Variants in UGT1A9 observed in about 807,000 individuals in gnomAD.
UGT1A9 encodes the protein UDP-glucuronosyltransferase 1A9.
Under a neutral mutation model 45.0 loss-of-function variants are expected in UGT1A9, and 35 were observed. The ratio of observed to expected loss-of-function variants is 0.78; its 90% CI spans 0.59 to 1.03. UGT1A9 has a LOEUF of 1.03. UGT1A9 is among the 50% of genes least tolerant of loss of function. UGT1A9 has a pLI of 0.00. For synonymous variants in UGT1A9, 278 were observed against 250.6 expected (o/e 1.11, Z -1.03); for missense variants, 687 against 666.6 (o/e 1.03, Z -0.34).
chr2:233,701,289 C>T (rs185939112), intron 1 of UGT1A9, among the ~76,000 whole-genome samples: 36 of 152,168 alleles, frequency 2.4e-4, no homozygotes, highest in East Asian at 7.7e-4. Context: ...CTTGAGGAAT[C>T]GCCACACTGT....
chr2:233,758,620 A>G (rs2125966627), intron 1 of UGT1A9, among the ~76,000 whole-genome samples: 1 of 152,334 alleles, frequency 6.6e-6, no homozygotes, highest in South Asian at 2.1e-4. Context: ...ATGTGCATGC[A>G]AAGTACCTAC....
chr2:233,672,786 T>C lies in UGT1A9; in HGVS notation c.852T>C (p.Pro284=). The part of the protein sequence containing the change: ...GINCHQGKPL[P]MEFEAYINAS... ...ACTGCCATCAGGGAAAGCCGTTGCC[T>C]ATGGTAAGTTATCTCTCCTTTAGCA... is the stretch of plus-strand genomic sequence containing the variant. The change falls in exon 1 of 5, where the codon CCT becomes CCC. Residue 284 remains proline (P), a synonymous_variant. Coordinates refer to ENST00000354728, the MANE Select transcript of UGT1A9 (RefSeq NM_021027.3). 6.2e-7 allele frequency: 1 copy of C among 1,613,098 alleles called. No homozygotes were observed. Among genetic ancestry groups the C allele is most frequent in the Non-Finnish European group, 8.5e-7 (1 of 1,179,260 alleles).
chr2:233,704,379 G>A (rs1421348597), intron 1 of UGT1A9, among the ~76,000 whole-genome samples: 2 of 150,778 alleles, frequency 1.3e-5, no homozygotes, highest in South Asian at 2.1e-4. Context: ...TTAGCACATC[G>A]ATTTTAACTT....
intron 1 of UGT1A9, chr2:233,693,223 C>A: frequency 6.2e-7 from 1 of 1,614,176 alleles, no homozygotes; most frequent in South Asian, 1.1e-5. Context: ...CCAAATACTA[C>A]ACAAGAAAAA....
intron 1 of UGT1A9, among the ~76,000 whole-genome samples, chr2:233,696,236 A>T (rs1175700608): frequency 6.6e-6 from 1 of 152,236 alleles, no homozygotes; most frequent in Non-Finnish European, 1.5e-5. Context: ...CAAAATATGG[A>T]ATCAACCTAA....
At position 233,709,733 on chromosome 2, in the gene UGT1A9, T is replaced by C. The variant is rs190992275; in HGVS notation, c.855+36944T>C. Reference sequence around the variant, plus strand: ...AATTGAATGATATGTTTTCAATTGATACTACTAAAATAAACATTATTGGAG... The same window carrying C: ...AATTGAATGATATGTTTTCAATTGACACTACTAAAATAAACATTATTGGAG... On this transcript the variant is annotated intron_variant, in intron 1 of 4. Coordinates refer to ENST00000354728, the MANE Select transcript of UGT1A9 (RefSeq NM_021027.3). Among the ~76,000 whole-genome samples the C allele has an allele frequency of 3.6e-3, 552 of 152,338 alleles. 2 individuals are homozygous for C. Among genetic ancestry groups the C allele is most frequent in the Admixed American group, 8.6e-3 (131 of 15,306 alleles).
chr2:233,681,262 A>C (rs192058312), intron 1 of UGT1A9, among the ~76,000 whole-genome samples: 1 of 152,156 alleles, frequency 6.6e-6, no homozygotes, highest in African/African-American at 2.4e-5. Flanking sequence ...GGCCAGGTGT[A>C]GTGGCTCACG....
At chr2:233,700,614 G>T (rs554562712) in intron 1 of UGT1A9, among the ~76,000 whole-genome samples, 2 of 151,722 alleles carry the variant, frequency 1.3e-5, no homozygotes, top group Admixed American at 6.6e-5. Flanking sequence ...TTTTTTGGGG[G>T]GGTTCCAGTA....
At position 233,746,588 on chromosome 2, in the gene UGT1A9, TGA is replaced by T. The variant is rs1470732385; in HGVS notation, c.856-20444_856-20443del. Among the ~76,000 whole-genome samples the T allele has an allele frequency of 2.0e-5, 3 of 151,754 alleles. 1 individual carries two copies. The highest frequency in any genetic ancestry group is 7.3e-5 in the African/African-American group (3 of 41,048). On this transcript the variant is annotated intron_variant, in intron 1 of 4. Coordinates refer to ENST00000354728, the MANE Select transcript of UGT1A9 (RefSeq NM_021027.3). ...ACCACACCCTGTAATTGCCTAGTTG[TGA>T]GTTTGTCTCTGTTCACCTGACCCCT...
At chr2:233,685,023 A>G (rs937971541) in intron 1 of UGT1A9, among the ~76,000 whole-genome samples, 2 of 152,104 alleles carry the variant, frequency 1.3e-5, no homozygotes, top group Non-Finnish European at 2.9e-5. Flanking sequence ...ATGTGTCTGT[A>G]TGTGCAGGTG....
chr2:233,708,242 T>G (rs2076009398), intron 1 of UGT1A9, among the ~76,000 whole-genome samples: 1 of 152,244 alleles, frequency 6.6e-6, no homozygotes, highest in Admixed American at 6.5e-5. Flanking sequence ...AATGTATAAG[T>G]GTACACTTTC....
chr2:233,760,333 C>T (rs1559406714), intron 1 of UGT1A9: 2 of 1,614,052 alleles, frequency 1.2e-6, no homozygotes, highest in East Asian at 4.5e-5. Flanking sequence ...CCTGGGCCTG[C>T]TGCTGTGTGT....
At chr2:233,745,112 G>C (rs1457181143) in intron 1 of UGT1A9, among the ~76,000 whole-genome samples, 1 of 151,730 alleles carries the variant, frequency 6.6e-6, no homozygotes, top group Non-Finnish European at 1.5e-5. Flanking sequence ...TTAATCTGCT[G>C]TTGGCTGAAT....
rs11568317 is a variant in UGT1A9 at position 233,757,117 on chromosome 2, A to G, written c.856-9917A>G. ...GAGGGAGGGGGCAAGCAGAAGGGCT[A>G]GAGAGGAGGAATGAGCTTGGACAGG... On this transcript the variant is annotated intron_variant, in intron 1 of 4. Transcript: ENST00000354728. Among the ~76,000 whole-genome samples, 108 of 151,324 alleles carry G rather than the reference A, an allele frequency of 7.1e-4. 1 individual carries two copies. In the East Asian group the frequency reaches 0.02, roughly 28 times the overall value.
chr2:233,741,547 T>G (rs4663963), intron 1 of UGT1A9: 82,548 of 151,614 alleles, frequency 0.54, 24,567 homozygotes, highest in African/African-American at 0.79. Flanking sequence ...GATACTTCTT[T>G]TATGGTTATT....
rs142919887 is a variant in UGT1A9, at chr2:233,693,235, C to A, written c.855+20446C>A. The A allele has an allele frequency of 1.4e-4, 230 of 1,614,162 alleles. 1 individual carries two copies. The African/African-American group carries it at 2.3e-3, about 16-fold the overall frequency. ...AATCCAAATACTACACAAGAAAAAT[C>A]TATCCAGTGCCGTATGACCAAGAAG... On this transcript the variant is annotated intron_variant, in intron 1 of 4. Transcript: ENST00000354728.
chr2:233,732,984 G>A lies in UGT1A9; in HGVS notation c.856-34050G>A, dbSNP rs112925257. On this transcript the variant is annotated intron_variant, in intron 1 of 4. Coordinates refer to ENST00000354728, the MANE Select transcript of UGT1A9 (RefSeq NM_021027.3). ...ATTTGTTTGTGTCTTCTTTTATTTCGTTGAGCAGTGGTTTGTAGTTCTCCT... is the reference window on the plus strand; with the variant it reads ...ATTTGTTTGTGTCTTCTTTTATTTCATTGAGCAGTGGTTTGTAGTTCTCCT... 1.2e-3 allele frequency among the ~76,000 whole-genome samples: 181 copies of A among 152,020 alleles called. 1 individual carries two copies. The highest frequency in any genetic ancestry group is 5.5e-3 in the Admixed American group (84 of 15,268).
rs867393133 is a variant in UGT1A9 at position 233,772,500 on chromosome 2, C to T, written c.1534C>T (p.Arg512Trp). ...CTTTAAATGTTGTGCTTATGGCTACCGGAAATGCTTGGGGAAAAAAGGGCG... is the reference window on the plus strand; with the variant it reads ...CTTTAAATGTTGTGCTTATGGCTACTGGAAATGCTTGGGGAAAAAAGGGCG... ...ITFKCCAYGY[R>W]KCLGKKGRVK... Residue 512 changes from arginine (R) to tryptophan (W), a missense_variant, in exon 5 of 5, where the codon CGG becomes TGG. Arg to Trp is a moderately radical substitution (Grantham distance 101). Coordinates refer to ENST00000354728, the MANE Select transcript of UGT1A9 (RefSeq NM_021027.3). 25 of 1,614,078 alleles carry T rather than the reference C, an allele frequency of 1.5e-5. No homozygotes were observed. Among genetic ancestry groups the T allele is most frequent in the African/African-American group, 8.0e-5 (6 of 74,994 alleles).
At chr2:233,733,201 A>T (rs1269937689) in intron 1 of UGT1A9, among the ~76,000 whole-genome samples, 1 of 152,122 alleles carries the variant, frequency 6.6e-6, no homozygotes, top group Non-Finnish European at 1.5e-5. Flanking sequence ...GCTTAAGGAG[A>T]CTTTGGGCTG....
Sources: allele counts gnomAD v4.1 joint callset (sites outside exome capture counted in the v4.1 genomes callset), GRCh38; gene constraint gnomAD v4.1.1; transcripts MANE v1.5; gene names NCBI Gene and HGNC (gene_info 2026-07-23, HGNC 2026-07-21).